The following POU6F2 variants were observed in gnomAD, a reference collection of about 807,000 sequenced individuals.
The protein encoded by POU6F2 is POU domain, class 6, transcription factor 2.
A neutral mutation model predicts 71.3 loss-of-function variants in POU6F2; 31 were observed. The ratio of observed to expected loss-of-function variants is 0.43; its 90% CI spans 0.33 to 0.59. The LOEUF (loss-of-function observed/expected upper bound fraction) is 0.59, where lower values mean the gene tolerates loss of function less well. POU6F2 is among the 20% of genes least tolerant of loss of function. The probability of loss-of-function intolerance (pLI) is 0.04; values close to 1 mark genes in which losing one functional copy is unlikely to be tolerated. For missense variants in POU6F2, 783 were observed against 856.8 expected, an observed-to-expected ratio of 0.91 and a Z score of 1.07; for synonymous variants, 347 against 355.7, an observed-to-expected ratio of 0.98 and a Z score of 0.27.
intron 1 of POU6F2, among the ~76,000 whole-genome samples, chr7:39,031,962 A>C (rs768605995): frequency 1.3e-4 from 20 of 152,094 alleles, no homozygotes; most frequent in Admixed American, 3.3e-4. Context: ...GAGAAATTTG[A>C]ATTTTTGTAT....
At chr7:39,315,766 T>C (rs887780168) in intron 4 of POU6F2, among the ~76,000 whole-genome samples, 1 of 152,202 alleles carries the variant, frequency 6.6e-6, no homozygotes, top group African/African-American at 2.4e-5. Context: ...ATGAACACGT[T>C]CAGTGTTTCG....
intron 1 of POU6F2, among the ~76,000 whole-genome samples, chr7:39,015,859 AT>A (rs1789496620): frequency 2.4e-5 from 2 of 84,510 alleles, no homozygotes; most frequent in South Asian, 3.6e-4. Flanking sequence ...ATAGATATAT[AT>A]AATATATTAT....
At chr7:39,373,846 ATCTTAAC>A (rs1338091443) in intron 5 of POU6F2, 1 of 166,488 alleles carries the variant, frequency 6.0e-6, no homozygotes, top group African/African-American at 2.4e-5. Context: ...CTTTTCATAG[ATCTTAAC>A]TCTTAATTAT....
chr7:39,426,171 G>A (rs926814075), intron 6 of POU6F2, among the ~76,000 whole-genome samples: 1 of 152,190 alleles, frequency 6.6e-6, no homozygotes, highest in African/African-American at 2.4e-5. Flanking sequence ...GACCAGTCAG[G>A]TTGAGGTGAG....
intron 5 of POU6F2, among the ~76,000 whole-genome samples, chr7:39,342,295 C>T (rs912674297): frequency 1.3e-5 from 2 of 152,138 alleles, no homozygotes; most frequent in Non-Finnish European, 2.9e-5. Context: ...TTTACACTAG[C>T]TGCAGGCTTT....
chr7:39,377,775 A>G (rs1225467085), intron 5 of POU6F2, among the ~76,000 whole-genome samples: 1 of 152,198 alleles, frequency 6.6e-6, no homozygotes, highest in Non-Finnish European at 1.5e-5. Flanking sequence ...TAGACTAGGG[A>G]GGGGGAACTT....
chr7:39,034,414 A>G, intron 1 of POU6F2: 2 of 353,694 alleles, frequency 5.7e-6, no homozygotes, highest in South Asian at 4.1e-5. Context: ...GAAGAAAATG[A>G]CGTGCACCTG....
intron 2 of POU6F2, among the ~76,000 whole-genome samples, chr7:39,203,249 T>C (rs565654799): frequency 1.1e-3 from 174 of 152,346 alleles, no homozygotes; most frequent in Non-Finnish European, 1.9e-3. Context: ...GGGTTGTCCA[T>C]GGCATGCCGG....
At chr7:39,303,693 T>C (rs908933316) in intron 4 of POU6F2, among the ~76,000 whole-genome samples, 2 of 152,158 alleles carry the variant, frequency 1.3e-5, no homozygotes, top group African/African-American at 4.8e-5. Flanking sequence ...TGACAGGTGA[T>C]GATACACACA....
chr7:39,397,834 A>ATATATATATATATT (rs1395034721), intron 5 of POU6F2, among the ~76,000 whole-genome samples: 1 of 143,674 alleles, frequency 7.0e-6, no homozygotes, highest in African/African-American at 2.6e-5. Flanking sequence ...ATATATATAT[A>ATATATATATATATT]GTAGAGACGG....
intron 1 of POU6F2, among the ~76,000 whole-genome samples, chr7:38,992,260 G>T (rs1788623553): frequency 6.6e-6 from 1 of 152,120 alleles, no homozygotes; most frequent in Non-Finnish European, 1.5e-5. Flanking sequence ...TTCCTTGTCT[G>T]GGAATTTGTT....
intron 1 of POU6F2, among the ~76,000 whole-genome samples, chr7:38,994,950 A>T (rs536002950): frequency 6.6e-6 from 1 of 152,200 alleles, no homozygotes; most frequent in Non-Finnish European, 1.5e-5. Flanking sequence ...ATCCCCATTG[A>T]CAGACTGATC....
intron 4 of POU6F2, among the ~76,000 whole-genome samples, chr7:39,334,254 T>A (rs1416824193): frequency 6.6e-6 from 1 of 152,150 alleles, no homozygotes; most frequent in Non-Finnish European, 1.5e-5. Flanking sequence ...CAGAATTGAC[T>A]TTGCTTGTTT....
At chr7:39,226,837 C>A (rs1252537754) in intron 4 of POU6F2, among the ~76,000 whole-genome samples, 1 of 152,126 alleles carries the variant, frequency 6.6e-6, no homozygotes, top group Non-Finnish European at 1.5e-5. Context: ...AAAATAAATA[C>A]CTATCATATT....
intron 2 of POU6F2, among the ~76,000 whole-genome samples, chr7:39,146,052 C>T (rs1187970873): frequency 1.3e-5 from 2 of 152,182 alleles, no homozygotes; most frequent in African/African-American, 4.8e-5. Context: ...GAACACTTCT[C>T]TTGCATGGAG....
intron 7 of POU6F2, among the ~76,000 whole-genome samples, chr7:39,440,168 G>T (rs1788363289): frequency 6.6e-6 from 1 of 152,122 alleles, no homozygotes; most frequent in African/African-American, 2.4e-5. Flanking sequence ...TCTTGGGGTT[G>T]ATCTTCTCAT....
At position 39,054,097 on chromosome 7, in the gene POU6F2, A is replaced by C. The variant is rs191723093; in HGVS notation, c.106-31763A>C. On this transcript the variant is annotated intron_variant, in intron 1 of 9. Coordinates refer to ENST00000518318, the MANE Select transcript of POU6F2 (RefSeq NM_001370959.1). Reference sequence around the variant, plus strand: ...AGCCTGGGCAACAGAGCAAGACTCCATCTCCAAAAAAAAGAAAAAAAGAAA... The same window carrying C: ...AGCCTGGGCAACAGAGCAAGACTCCCTCTCCAAAAAAAAGAAAAAAAGAAA... 4.3e-3 allele frequency among the ~76,000 whole-genome samples: 651 copies of C among 152,112 alleles called. 2 individuals carry two copies. The highest frequency in any genetic ancestry group is 0.015 in the African/African-American group (618 of 41,510).
At chr7:39,000,298 T>C (rs1788864557) in intron 1 of POU6F2, among the ~76,000 whole-genome samples, 1 of 152,226 alleles carries the variant, frequency 6.6e-6, no homozygotes, top group South Asian at 2.1e-4. Context: ...CCTCAGAATA[T>C]GCGTGCTTTT....
At chr7:39,069,882 G>A (rs1299771599) in intron 1 of POU6F2, among the ~76,000 whole-genome samples, 1 of 152,206 alleles carries the variant, frequency 6.6e-6, no homozygotes, top group Non-Finnish European at 1.5e-5. Flanking sequence ...GGCAGATGCA[G>A]GAGAAAATTC....
Sources: gnomAD v4.1 joint callset for allele counts (sites outside exome capture counted in the v4.1 genomes callset) on GRCh38, gnomAD v4.1.1 for gene constraint, MANE v1.5 for transcripts, NCBI Gene and HGNC (gene_info 2026-07-23, HGNC 2026-07-21) for gene names.